Variants in CKM observed in about 807,000 individuals in gnomAD.
The protein encoded by CKM is creatine kinase, M-type, also known as creatine kinase M-type.
In CKM, 28 loss-of-function variants were observed where a neutral mutation model predicts 35.4. That is an observed-to-expected ratio of 0.79 (90% CI 0.59 to 1.08). CKM has a LOEUF of 1.08. Among genes scored for constraint, CKM ranks in the 50% least tolerant of loss-of-function variants. The pLI, the probability that CKM is intolerant of heterozygous loss-of-function variation, is 0.00. For synonymous variants in CKM, 215 were observed against 204.4 expected, an observed-to-expected ratio of 1.05 and a Z score of -0.44; for missense variants, 484 against 509.8, an observed-to-expected ratio of 0.95 and a Z score of 0.49.
intron 4 of CKM, among the ~76,000 whole-genome samples, 188 bp downstream of exon 4, chr19:45,315,277 C>G (rs1043839923): frequency 8.5e-5 from 13 of 152,166 alleles, no homozygotes; most frequent in Non-Finnish European, 1.3e-4. Context: ...CGGGTCTGGA[C>G]AGCATCCCTG....
intron 1 of CKM, among the ~76,000 whole-genome samples, chr19:45,320,040 C>T (rs550852337): frequency 5.9e-5 from 9 of 152,120 alleles, no homozygotes; most frequent in African/African-American, 1.4e-4. Context: ...CCGCCCGCCT[C>T]GGCCTCCCAA....
At chr19:45,313,043 C>T (rs987222164) in intron 4 of CKM, among the ~76,000 whole-genome samples, 7 of 151,492 alleles carry the variant, frequency 4.6e-5, no homozygotes, top group Admixed American at 4.6e-4. Context: ...TGCATATGTA[C>T]AATAAATCTA....
At chr19:45,318,073 G>T in intron 2 of CKM, 94 bp from the exon 3 acceptor site, 1 of 1,069,636 alleles carries the variant, frequency 9.3e-7, no homozygotes, top group Non-Finnish European at 1.4e-6. Context: ...CATGTGTGTC[G>T]GGATGGGGGC....
Position 45,319,881 on chromosome 19 carries a change from C to T in CKM, c.-18-150G>A, listed in dbSNP as rs559015637. 1.4e-4 allele frequency: 91 copies of T among 632,688 alleles called. No individual in the cohort carries two copies. The African/African-American group carries it at 1.6e-3, about 11-fold the overall frequency. The allele number at this position is 632,688 out of a possible 1,614,324, so 39.2% of individuals were successfully genotyped here. On this transcript the variant is annotated intron_variant, in intron 1 of 7. Coordinates refer to ENST00000221476, the MANE Select transcript of CKM (RefSeq NM_001824.5). ...TCTCGGCTCACTGCAAGCTCCACCT[C>T]CTGGGTTCACACCATTCTCCCGCCT... is the stretch of plus-strand genomic sequence containing the variant.
chr19:45,317,895 A>G lies in CKM; in HGVS notation c.278T>C (p.Ile93Thr). ...EVFKELFDPIISDRHGGYKPT... is the reference protein window; with the variant it reads ...EVFKELFDPITSDRHGGYKPT... ...TTTGTAGCCCCCGTGGCGATCCGAG[A>G]TGATGGGGTCAAAGAGTTCCTTGAA... Residue 93 changes from isoleucine (I) to threonine (T), a missense_variant, in exon 3 of 8, where the codon ATC becomes ACC. By Grantham distance (89) the Ile-to-Thr change is moderately conservative (BLOSUM62 -1). Coordinates refer to ENST00000221476, the MANE Select transcript of CKM (RefSeq NM_001824.5). The G allele has an allele frequency of 6.2e-7, 1 of 1,613,764 alleles. No individual in the cohort carries two copies. The highest frequency in any genetic ancestry group is 8.5e-7 in the Non-Finnish European group (1 of 1,179,970).
chr19:45,315,856 T>TTTTTTTTTTTTTTCTTTGAGACAGGG, intron 3 of CKM, among the ~76,000 whole-genome samples: 3 of 149,222 alleles, frequency 2.0e-5, no homozygotes, highest in Non-Finnish European at 3.0e-5. Flanking sequence ...TTCCTTTTTT[T>TTTTTTTTTTTTTTCTTTGAGACAGGG]TCTTCGAGAC....
intron 1 of CKM, among the ~76,000 whole-genome samples, chr19:45,321,111 C>T (rs972983211): frequency 2.0e-5 from 3 of 149,774 alleles, no homozygotes; most frequent in Non-Finnish European, 4.4e-5. Context: ...GCCATGTTGG[C>T]CAGGCTGGTC....
chr19:45,306,913 G>A lies in CKM; in HGVS notation c.983C>T (p.Ala328Val). 5.0e-6 allele frequency: 8 copies of A among 1,613,970 alleles called. No homozygotes were observed. Among genetic ancestry groups the A allele is most frequent in the Non-Finnish European group, 6.8e-6 (8 of 1,180,040 alleles). ...CACGTCAAATACTGAGCCCACGGCAGCTGTGTCCACGCCACCTGTGGGAGC... is the reference window on the plus strand; with the variant it reads ...CACGTCAAATACTGAGCCCACGGCAACTGTGTCCACGCCACCTGTGGGAGC... ...QKRGTGGVDTAAVGSVFDVSN... is the reference protein window; with the variant it reads ...QKRGTGGVDTVAVGSVFDVSN... The change falls in exon 8 of 8, where the codon GCT becomes GTT. Residue 328 changes from alanine (A) to valine (V), a missense_variant. By Grantham distance (64) the Ala-to-Val change is moderately conservative. Coordinates refer to ENST00000221476, the MANE Select transcript of CKM (RefSeq NM_001824.5). The surrounding 1 kb of genome is among the most constrained non-coding windows in gnomAD (Gnocchi z 4.5).
chr19:45,311,651 G>T, intron 5 of CKM, 98 bp downstream of exon 5: 2 of 997,010 alleles, frequency 2.0e-6, no homozygotes, highest in Non-Finnish European at 3.0e-6. Context: ...TCATAATTAC[G>T]TATATGGCCT....
intron 6 of CKM, 76 bp downstream of exon 6, chr19:45,308,333 A>G (rs1971075057): frequency 6.3e-7 from 1 of 1,578,194 alleles, no homozygotes; most frequent in African/African-American, 1.3e-5. Context: ...AGTATAGGGG[A>G]AGGGGCGGGG....
intron 2 of CKM, 103 bp from the exon 3 acceptor site, chr19:45,318,082 G>T: frequency 1.1e-6 from 1 of 941,536 alleles, no homozygotes; most frequent in South Asian, 1.4e-5. Context: ...CGGGATGGGG[G>T]CGGGTACATT....
At chr19:45,314,139 G>A (rs1461162412) in intron 4 of CKM, among the ~76,000 whole-genome samples, 2 of 145,874 alleles carry the variant, frequency 1.4e-5, no homozygotes, top group African/African-American at 5.2e-5. Flanking sequence ...GGGAGGGAGG[G>A]AAGGAAGGGA....
In CKM at chr19:45,306,626, G is replaced by A. The variant is rs1971053778; in HGVS notation, c.*124C>T. 1 of 973,942 alleles carries A rather than the reference G, an allele frequency of 1.0e-6. No homozygotes were observed. The allele number at this position is 973,942 out of a possible 1,614,324, so 60.3% of individuals were successfully genotyped here. A position where few individuals can be genotyped will look rare whatever the true frequency, so the allele number is the denominator to read the frequency against. Reference sequence around the variant, plus strand: ...TTGAAACTGGAACTCTGAGAAGGGTGGAGAGAGCCCCCAGGTGGGACTCTG... The same window carrying A: ...TTGAAACTGGAACTCTGAGAAGGGTAGAGAGAGCCCCCAGGTGGGACTCTG... On this transcript the variant is annotated 3_prime_UTR_variant, in exon 8 of 8. Transcript: ENST00000221476. The surrounding 1 kb of genome is among the most constrained non-coding windows in gnomAD (Gnocchi z 4.5).
chr19:45,318,030 G>A (rs374179495), intron 2 of CKM, 51 bp from the exon 3 acceptor site: 28 of 1,541,176 alleles, frequency 1.8e-5, no homozygotes, highest in East Asian at 2.3e-5. Context: ...CAAACAGGGC[G>A]TGGGCTTGTG....
In CKM at chr19:45,321,321, C is replaced by T. The variant is rs575289983; in HGVS notation, c.-19+1500G>A. The stretch of plus-strand genomic sequence containing the variant: ...TCAATCCAAAGACAAAGGGCTGGGT[C>T]GGGGGAGGGCTGGGTAGCTGCCCCC... On this transcript the variant is annotated intron_variant, in intron 1 of 7. Transcript: ENST00000221476. Among the ~76,000 whole-genome samples, 4 of 149,768 alleles carry T rather than the reference C, an allele frequency of 2.7e-5. No homozygotes were observed. In the South Asian group the frequency reaches 6.4e-4, roughly 24 times the overall value.
At chr19:45,318,219 C>T (rs992773960) in intron 2 of CKM, among the ~76,000 whole-genome samples, 2 of 151,960 alleles carry the variant, frequency 1.3e-5, no homozygotes, top group African/African-American at 4.8e-5. Context: ...ACCAGCCTGG[C>T]CAACAGGGTG....
intron 4 of CKM, among the ~76,000 whole-genome samples, chr19:45,314,658 C>T (rs1245746577): frequency 6.6e-6 from 1 of 152,096 alleles, no homozygotes; most frequent in African/African-American, 2.4e-5. Flanking sequence ...AAATGATCCA[C>T]CTGCCTCAGC....
In CKM at chr19:45,315,455, G is replaced by T; in HGVS notation, c.481+10C>A. 1 of 1,598,280 alleles carries T rather than the reference G, an allele frequency of 6.3e-7. No individual in the cohort carries two copies. ...GTGACCCCAGCAGTGGACGGGGTAG[G>T]GGCGCTCACCTTCCACAGAGAGCTT... is the stretch of plus-strand genomic sequence containing the variant. On this transcript the variant is annotated intron_variant, in intron 4 of 7. Transcript: ENST00000221476.
intron 5 of CKM, 130 bp from the exon 6 acceptor site, chr19:45,308,662 G>A (rs1971079202): frequency 1.7e-6 from 2 of 1,162,262 alleles, no homozygotes; most frequent in African/African-American, 1.5e-5. Flanking sequence ...GGTGGCATCT[G>A]CCTCCTCAAA....
Sources: gnomAD v4.1 joint callset for allele counts (sites outside exome capture counted in the v4.1 genomes callset) on GRCh38, gnomAD v4.1.1 for gene constraint, Gnocchi (gnomAD v3.1) non-coding constraint, MANE v1.5 for transcripts, NCBI Gene and HGNC (gene_info 2026-07-23, HGNC 2026-07-21) for gene names.